SOBP: variants seen among roughly 807,000 people sequenced by gnomAD.
SOBP encodes the protein sine oculis-binding protein homolog.
Under a neutral mutation model 53.6 loss-of-function variants are expected in SOBP, and 4 were observed. The ratio of observed to expected loss-of-function variants is 0.07; its 90% CI spans 0.04 to 0.17. The LOEUF is 0.17. Among genes scored for constraint, SOBP ranks in the 10% least tolerant of loss-of-function variants. SOBP has a pLI of 1.00. For missense variants in SOBP, 1,088 were observed against 1,204.7 expected (o/e 0.90, Z 1.43); for synonymous variants, 584 against 522.6 (o/e 1.12, Z -1.60).
intron 2 of SOBP, among the ~76,000 whole-genome samples, chr6:107,504,829 G>A (rs1453905963): frequency 3.3e-5 from 5 of 152,214 alleles, no homozygotes; most frequent in Non-Finnish European, 5.9e-5. Flanking sequence ...TCATGCTACA[G>A]AGATAGTATC....
intron 5 of SOBP, among the ~76,000 whole-genome samples, chr6:107,597,465 C>A (rs1463041766): frequency 6.6e-6 from 1 of 151,862 alleles, no homozygotes; most frequent in African/African-American, 2.4e-5. Context: ...TATATGAGGG[C>A]AGATTTACAT....
intron 4 of SOBP, among the ~76,000 whole-genome samples, chr6:107,584,437 CA>C (rs1400646040): frequency 6.6e-6 from 1 of 152,078 alleles, no homozygotes; most frequent in East Asian, 1.9e-4. Context: ...TATTTGTGCA[CA>C]CAAATACACG....
chr6:107,575,609 C>T (rs534908323), intron 4 of SOBP, among the ~76,000 whole-genome samples: 1 of 152,202 alleles, frequency 6.6e-6, no homozygotes, highest in Non-Finnish European at 1.5e-5. Context: ...AAGGCAGAAC[C>T]ACATATTATT....
At chr6:107,588,184 AAC>A (rs770794423) in intron 5 of SOBP, among the ~76,000 whole-genome samples, 22 of 152,176 alleles carry the variant, frequency 1.4e-4, no homozygotes, top group Non-Finnish European at 2.1e-4. Flanking sequence ...TCCCACATGT[AAC>A]AGTCTTTGGA....
rs186343294 is a variant in SOBP, at chr6:107,644,578, A to G, written c.*3+9109A>G. Among the ~76,000 whole-genome samples, 13 of 152,310 alleles carry G rather than the reference A, an allele frequency of 8.5e-5. No homozygotes were observed. The East Asian group carries it at 2.3e-3, about 27-fold the overall frequency. ...AGAATCCATTTAAGCTTTGGAGGTT[A>G]TAAATTTCAAAGTGATCACAGGCCC... is the stretch of plus-strand genomic sequence containing the variant. On this transcript the variant is annotated intron_variant, in intron 6 of 6. Transcript: ENST00000317357.
At chr6:107,612,764 C>A (rs1786647181) in intron 5 of SOBP, among the ~76,000 whole-genome samples, 1 of 152,122 alleles carries the variant, frequency 6.6e-6, no homozygotes, top group South Asian at 2.1e-4. Flanking sequence ...CCCTCCAATC[C>A]CCAGCCCCAG....
At chr6:107,625,765 T>C (rs1024959701) in intron 5 of SOBP, among the ~76,000 whole-genome samples, 1 of 152,214 alleles carries the variant, frequency 6.6e-6, no homozygotes, top group Admixed American at 6.5e-5. Flanking sequence ...AAAAGTCCTC[T>C]TACTTGATGT....
intron 4 of SOBP, among the ~76,000 whole-genome samples, chr6:107,538,598 G>C (rs1784068608): frequency 6.6e-6 from 1 of 152,176 alleles, no homozygotes; most frequent in Non-Finnish European, 1.5e-5. Context: ...CCTGCAGGAT[G>C]ATTGCTTGGT....
chr6:107,607,299 C>T (rs1175064469), intron 5 of SOBP, among the ~76,000 whole-genome samples: 2 of 152,158 alleles, frequency 1.3e-5, no homozygotes, highest in African/African-American at 2.4e-5. Context: ...TGTTGCACAA[C>T]AGGAAGTGGA....
intron 4 of SOBP, among the ~76,000 whole-genome samples, chr6:107,548,163 C>G (rs1784355394): frequency 6.6e-6 from 1 of 152,096 alleles, no homozygotes; most frequent in Non-Finnish European, 1.5e-5. Context: ...TACTGCTTAC[C>G]AACAACAACA....
chr6:107,491,611 C>G (rs1210627420), intron 1 of SOBP, among the ~76,000 whole-genome samples: 1 of 152,230 alleles, frequency 6.6e-6, no homozygotes, highest in African/African-American at 2.4e-5. Flanking sequence ...GAAGTTGCGG[C>G]TTTTGCCTGG....
At position 107,586,498 on chromosome 6, in the gene SOBP, A is replaced by G. The variant is rs1011812869; in HGVS notation, c.574-582A>G. Among the ~76,000 whole-genome samples, 3 of 149,240 alleles carry G rather than the reference A, an allele frequency of 2.0e-5. No individual in the cohort carries two copies. The Admixed American group carries it at 2.0e-4, about 10-fold the overall frequency. On this transcript the variant is annotated intron_variant, in intron 4 of 6. Transcript: ENST00000317357. The stretch of plus-strand genomic sequence containing the variant: ...AGATCAAAATAACCAGTAACTTTTA[A>G]TGCAGCTTTTAAATTAAATCTTTTT...
At chr6:107,492,428 G>A (rs1782602463) in intron 1 of SOBP, among the ~76,000 whole-genome samples, 1 of 152,160 alleles carries the variant, frequency 6.6e-6, no homozygotes, top group East Asian at 1.9e-4. Context: ...AGTTTCATAG[G>A]TTCTAGAATT....
chr6:107,565,847 A>G (rs959467473), intron 4 of SOBP, among the ~76,000 whole-genome samples: 4 of 152,248 alleles, frequency 2.6e-5, no homozygotes, highest in Non-Finnish European at 5.9e-5. Flanking sequence ...TGGAATGGGA[A>G]GGCATCCTGG....
rs62428402 is a variant in SOBP at position 107,490,557 on chromosome 6, A to G, written c.-60A>G. On this transcript the variant is annotated 5_prime_UTR_variant, in exon 1 of 7. Coordinates refer to ENST00000317357, the MANE Select transcript of SOBP (RefSeq NM_018013.4). ...CACCTCCACCGCCGCCGCCGCCGCC[A>G]CCACCACCGCCGGCGGCGGCAGCAG... 0.011 allele frequency: 14,145 copies of G among 1,278,244 alleles called. 105 individuals are homozygous for G. The highest frequency in any genetic ancestry group is 0.013 in the Non-Finnish European group (11,393 of 903,502). The allele number at this position is 1,278,244 out of a possible 1,614,324, so 79.2% of individuals were successfully genotyped here. A position where few individuals can be genotyped will look rare whatever the true frequency, so the allele number is the denominator to read the frequency against.
intron 4 of SOBP, among the ~76,000 whole-genome samples, chr6:107,545,954 C>A (rs1235299470): frequency 6.6e-6 from 1 of 152,074 alleles, no homozygotes; most frequent in Non-Finnish European, 1.5e-5. Flanking sequence ...GGTTCATATA[C>A]CTCTGAGCCA....
chr6:107,613,984 A>G (rs138279689), intron 5 of SOBP, among the ~76,000 whole-genome samples: 1 of 152,354 alleles, frequency 6.6e-6, no homozygotes, highest in Non-Finnish European at 1.5e-5. Context: ...AGCTCTAGCA[A>G]TCTCTGAGGT....
chr6:107,642,092 A>C (rs1286938665), intron 6 of SOBP, among the ~76,000 whole-genome samples: 1 of 152,262 alleles, frequency 6.6e-6, no homozygotes, highest in Non-Finnish European at 1.5e-5. Flanking sequence ...CAGAGAAAGA[A>C]AGAAATTAGC....
chr6:107,597,926 T>G (rs1461868674), intron 5 of SOBP, among the ~76,000 whole-genome samples: 1 of 152,196 alleles, frequency 6.6e-6, no homozygotes, highest in African/African-American at 2.4e-5. Context: ...TTAAAAAAAC[T>G]GGGTATTTAA....
Sources: allele counts gnomAD v4.1 joint callset (sites outside exome capture counted in the v4.1 genomes callset), GRCh38; gene constraint gnomAD v4.1.1; transcripts MANE v1.5; gene names NCBI Gene and HGNC (gene_info 2026-07-23, HGNC 2026-07-21).